SCMH1: variants seen among roughly 807,000 people sequenced by gnomAD.
SCMH1 encodes the protein Scm polycomb group protein homolog 1, also known as polycomb protein SCMH1.
In SCMH1, 37 loss-of-function variants were observed where a neutral mutation model predicts 70.8. The observed-to-expected ratio is 0.52, with a 90% confidence interval of 0.40 to 0.69. The LOEUF is 0.69. Among genes scored for constraint, SCMH1 ranks in the 30% least tolerant of loss-of-function variants. The pLI, the probability that SCMH1 is intolerant of heterozygous loss-of-function variation, is 0.00. For missense variants in SCMH1, 607 were observed against 827.3 expected, an observed-to-expected ratio of 0.73 and a Z score of 3.27; for synonymous variants, 292 against 307.4, an observed-to-expected ratio of 0.95 and a Z score of 0.52.
chr1:41,162,614 C>T (rs891595767), intron 2 of SCMH1, among the ~76,000 whole-genome samples: 7 of 152,190 alleles, frequency 4.6e-5, no homozygotes, highest in Admixed American at 3.3e-4. Flanking sequence ...CTCCTCTTTG[C>T]TGAGAGCTGC....
chr1:41,207,123 C>T (rs370521155), intron 1 of SCMH1, among the ~76,000 whole-genome samples: 2 of 152,304 alleles, frequency 1.3e-5, no homozygotes, highest in South Asian at 2.1e-4. Context: ...TATGAAGAAA[C>T]TGCATCAATT....
At chr1:41,102,961 T>C (rs890117521) in intron 8 of SCMH1, among the ~76,000 whole-genome samples, 4 of 152,004 alleles carry the variant, frequency 2.6e-5, no homozygotes, top group African/African-American at 9.7e-5. Context: ...CCTCAGAACC[T>C]CCTCTTTTTT....
At chr1:41,195,402 G>GGA (rs1652795470) in intron 1 of SCMH1, among the ~76,000 whole-genome samples, 1 of 151,824 alleles carries the variant, frequency 6.6e-6, no homozygotes, top group South Asian at 2.1e-4. Context: ...AGAATATAAG[G>GGA]ATGGTTCAAC....
chr1:41,052,887 A>G (rs1648725964), intron 10 of SCMH1, among the ~76,000 whole-genome samples: 1 of 148,304 alleles, frequency 6.7e-6, no homozygotes, highest in Non-Finnish European at 1.5e-5. Flanking sequence ...TTGTAGTCAC[A>G]TGGGTGCTTA....
intron 5 of SCMH1, among the ~76,000 whole-genome samples, chr1:41,144,371 T>C (rs988904981): frequency 2.0e-5 from 3 of 152,206 alleles, no homozygotes; most frequent in Non-Finnish European, 4.4e-5. Context: ...GGCCAATATG[T>C]GAATAGTTTC....
intron 8 of SCMH1, among the ~76,000 whole-genome samples, chr1:41,084,610 A>C (rs1395982459): frequency 6.6e-6 from 1 of 152,100 alleles, no homozygotes; most frequent in Non-Finnish European, 1.5e-5. Flanking sequence ...CATTTGACCC[A>C]GCCATCCCAT....
intron 5 of SCMH1, among the ~76,000 whole-genome samples, chr1:41,144,300 TTC>T (rs1261230749): frequency 2.0e-5 from 3 of 152,278 alleles, no homozygotes; most frequent in South Asian, 2.1e-4. Flanking sequence ...TTAATCTACT[TTC>T]TGTTTCCATG....
At chr1:41,101,331 G>C (rs1479147468) in intron 8 of SCMH1, among the ~76,000 whole-genome samples, 1 of 152,214 alleles carries the variant, frequency 6.6e-6, no homozygotes, top group Admixed American at 6.5e-5. Context: ...ATGGTTTCAA[G>C]ATGAGTCTTA....
At chr1:41,058,969 G>A (rs1052310050) in intron 10 of SCMH1, among the ~76,000 whole-genome samples, 2 of 152,190 alleles carry the variant, frequency 1.3e-5, no homozygotes. Flanking sequence ...AGTTGCAGCT[G>A]GTGTGTCCTT....
At chr1:41,163,332 A>G (rs1428595522) in intron 2 of SCMH1, among the ~76,000 whole-genome samples, 2 of 152,142 alleles carry the variant, frequency 1.3e-5, no homozygotes, top group Non-Finnish European at 2.9e-5. Context: ...CTCCATGCCT[A>G]ACTCCAGTCT....
intron 10 of SCMH1, among the ~76,000 whole-genome samples, chr1:41,067,171 G>A (rs1040068379): frequency 5.3e-5 from 8 of 152,040 alleles, no homozygotes; most frequent in Non-Finnish European, 8.8e-5. Flanking sequence ...TCGGCCAGGC[G>A]TGGTGGTTCA....
intron 1 of SCMH1, among the ~76,000 whole-genome samples, chr1:41,205,217 G>A (rs1328269774): frequency 6.6e-6 from 1 of 152,146 alleles, no homozygotes; most frequent in African/African-American, 2.4e-5. Flanking sequence ...GCCCACGGAG[G>A]GCAAGCCGAA....
intron 7 of SCMH1, 45 bp downstream of exon 7, chr1:41,116,877 G>C (rs1316400073): frequency 5.4e-6 from 8 of 1,473,618 alleles, no homozygotes; most frequent in Admixed American, 4.0e-5. Flanking sequence ...CTCAATATTT[G>C]ACCTTAAGCA....
At chr1:41,131,672 T>C (rs1218875814) in intron 6 of SCMH1, among the ~76,000 whole-genome samples, 5 of 152,184 alleles carry the variant, frequency 3.3e-5, no homozygotes, top group Admixed American at 1.3e-4. Context: ...TCATTTACAT[T>C]AGGTATTTCT....
At chr1:41,224,177 C>A (rs752150235) in intron 1 of SCMH1, among the ~76,000 whole-genome samples, 1 of 152,180 alleles carries the variant, frequency 6.6e-6, no homozygotes, top group Non-Finnish European at 1.5e-5. Context: ...TAGAAGCTTT[C>A]CTCATACTCT....
chr1:41,130,308 A>G (rs147807084), intron 6 of SCMH1, among the ~76,000 whole-genome samples: 2 of 151,894 alleles, frequency 1.3e-5, no homozygotes, highest in African/African-American at 2.4e-5. Context: ...TGTTTTGTGA[A>G]TTTTTTTTCT....
intron 4 of SCMH1, among the ~76,000 whole-genome samples, chr1:41,158,650 C>G (rs1010431936): frequency 6.6e-6 from 1 of 152,060 alleles, no homozygotes; most frequent in Non-Finnish European, 1.5e-5. Context: ...CATTAGCGAG[C>G]CAAATATACT....
At chr1:41,089,972 A>G (rs1207518824) in intron 8 of SCMH1, among the ~76,000 whole-genome samples, 1 of 150,810 alleles carries the variant, frequency 6.6e-6, no homozygotes, top group Non-Finnish European at 1.5e-5. Context: ...TTGTATTTTT[A>G]GTAGAGATGA....
At chr1:41,146,769 C>T (rs1644617341) in intron 5 of SCMH1, among the ~76,000 whole-genome samples, 1 of 152,092 alleles carries the variant, frequency 6.6e-6, no homozygotes. Context: ...ATTCATTTCT[C>T]AGAGCATATC....
Sources: gnomAD v4.1 joint callset for allele counts (sites outside exome capture counted in the v4.1 genomes callset) on GRCh38, gnomAD v4.1.1 for gene constraint, MANE v1.5 for transcripts, NCBI Gene and HGNC (gene_info 2026-07-23, HGNC 2026-07-21) for gene names.